Variants in SOX6 observed in about 807,000 individuals in gnomAD.
SOX6 encodes transcription factor SOX-6.
SOX6 carries 11 observed loss-of-function variants against 97.8 expected under a neutral mutation model. That is an observed-to-expected ratio of 0.11 (90% CI 0.07 to 0.19). The LOEUF is 0.19. Ranked by LOEUF, SOX6 falls within the 10% of genes least tolerant of loss-of-function variation. The pLI, the probability that SOX6 is intolerant of heterozygous loss-of-function variation, is 1.00. For synonymous variants in SOX6, 360 were observed against 371.4 expected (o/e 0.97, Z 0.35); for missense variants, 810 against 1,039.5 (o/e 0.78, Z 3.04).
intron 15 of SOX6, among the ~76,000 whole-genome samples, chr11:15,979,992 T>C (rs1198428411): frequency 2.6e-5 from 4 of 152,048 alleles, no homozygotes; most frequent in Non-Finnish European, 5.9e-5. Flanking sequence ...CTCAGACTGC[T>C]TGTAACATAG....
At position 16,522,618 on chromosome 11, in the gene SOX6, T is replaced by C. The variant is rs573338427; in HGVS notation, n.610-46230A>G. On this transcript the variant is annotated intron_variant and non_coding_transcript_variant, in intron 4 of 5. Transcript: ENST00000524520. ...TAACATCATAATGACACGATCAAAT[T>C]CACACATAACAATAATAACTTTAAA... 4.6e-5 allele frequency among the ~76,000 whole-genome samples: 7 copies of C among 151,536 alleles called. 1 individual carries two copies. In the South Asian group the frequency reaches 1.5e-3, roughly 32 times the overall value.
At chr11:16,524,900 A>G (rs1160429635) in intron 4 of SOX6, among the ~76,000 whole-genome samples, 1 of 152,198 alleles carries the variant, frequency 6.6e-6, no homozygotes, top group African/African-American at 2.4e-5. Flanking sequence ...AAGAGAATAA[A>G]ATATCTAGGA....
intron 1 of SOX6, among the ~76,000 whole-genome samples, chr11:16,467,331 T>A (rs928289825): frequency 6.6e-6 from 1 of 152,204 alleles, no homozygotes; most frequent in Non-Finnish European, 1.5e-5. Context: ...TAAAGACACA[T>A]GCATGCATAT....
intron 4 of SOX6, among the ~76,000 whole-genome samples, chr11:16,223,730 T>C (rs1318346964): frequency 6.6e-6 from 1 of 152,146 alleles, no homozygotes; most frequent in African/African-American, 2.4e-5. Context: ...CGATTACAGA[T>C]GTCCTGCTAG....
chr11:16,631,191 A>T lies in SOX6; in HGVS notation n.430-18931T>A, dbSNP rs180796011. On this transcript the variant is annotated intron_variant and non_coding_transcript_variant, in intron 3 of 5. Coordinates refer to the SOX6 transcript ENST00000524520. ...GCTTTATAAGGTCTTTAGGCTATGT[A>T]CCTAAGTGTGTTTTGGTGGTAGATG... Among the ~76,000 whole-genome samples the T allele has an allele frequency of 1.1e-4, 16 of 151,312 alleles. No individual in the cohort carries two copies. In the East Asian group the frequency reaches 2.1e-3, roughly 20 times the overall value.
intron 4 of SOX6, among the ~76,000 whole-genome samples, chr11:16,203,589 A>C (rs1851997145): frequency 6.6e-6 from 1 of 152,186 alleles, no homozygotes; most frequent in Non-Finnish European, 1.5e-5. Context: ...AGCTAAATAT[A>C]AACATCTGAA....
rs898207488 is a variant in SOX6, at chr11:16,349,113, A to G, written c.-5+6981T>C. Among the ~76,000 whole-genome samples, 16 of 152,168 alleles carry G rather than the reference A, an allele frequency of 1.1e-4. No individual in the cohort carries two copies. The South Asian group carries it at 1.5e-3, about 14-fold the overall frequency. On this transcript the variant is annotated intron_variant, in intron 1 of 15. Coordinates refer to ENST00000683767, the MANE Select transcript of SOX6 (RefSeq NM_001367873.1). ...CAAAGATTCCTAAGATACAAATTAA[A>G]ATGAATATAATTAATATAGATAATG...
chr11:16,372,668 G>A (rs940686437), intron 1 of SOX6, among the ~76,000 whole-genome samples: 2 of 152,052 alleles, frequency 1.3e-5, no homozygotes, highest in African/African-American at 2.4e-5. Flanking sequence ...TTTTTCACAG[G>A]AGAGGAATTG....
intron 2 of SOX6, among the ~76,000 whole-genome samples, chr11:16,717,471 T>C (rs1476539279): frequency 6.6e-6 from 1 of 152,190 alleles, no homozygotes; most frequent in African/African-American, 2.4e-5. Flanking sequence ...GTTATTCATT[T>C]TTCTATTTCT....
At chr11:16,100,209 C>T (rs954513595) in intron 7 of SOX6, among the ~76,000 whole-genome samples, 1 of 151,686 alleles carries the variant, frequency 6.6e-6, no homozygotes, top group African/African-American at 2.4e-5. Context: ...AGGAATCAGT[C>T]AACATGTTGT....
At chr11:15,997,720 A>T (rs1042384157) in intron 13 of SOX6, among the ~76,000 whole-genome samples, 7 of 152,256 alleles carry the variant, frequency 4.6e-5, no homozygotes, top group Non-Finnish European at 7.3e-5. Context: ...TACAGGTAAC[A>T]TCATACTTAA....
chr11:16,415,530 T>C (rs562828311), intron 1 of SOX6, among the ~76,000 whole-genome samples: 135 of 152,246 alleles, frequency 8.9e-4, no homozygotes, highest in African/African-American at 3.2e-3. Flanking sequence ...ATTTACTGAG[T>C]ATTTTCAAGT....
At chr11:16,157,530 G>T (rs1850634778) in intron 6 of SOX6, among the ~76,000 whole-genome samples, 3 of 151,786 alleles carry the variant, frequency 2.0e-5, no homozygotes, top group Admixed American at 2.0e-4. Flanking sequence ...TTAATCATTT[G>T]GTTAAATGAT....
At chr11:16,033,569 T>A (rs1031810468) in intron 12 of SOX6, among the ~76,000 whole-genome samples, 1 of 152,076 alleles carries the variant, frequency 6.6e-6, no homozygotes, top group African/African-American at 2.4e-5. Flanking sequence ...TGAAGGAGTA[T>A]TATTAAGATC....
chr11:16,103,099 G>A (rs549903644), intron 7 of SOX6, among the ~76,000 whole-genome samples: 131 of 151,998 alleles, frequency 8.6e-4, no homozygotes, highest in African/African-American at 3.0e-3. Context: ...AACCCACAGA[G>A]TGGGAGAGAA....
intron 12 of SOX6, among the ~76,000 whole-genome samples, chr11:16,032,860 C>T (rs534430429): frequency 1.3e-5 from 2 of 152,314 alleles, no homozygotes; most frequent in African/African-American, 2.4e-5. Context: ...CTACCTACTC[C>T]AGCCTGCCTG....
intron 4 of SOX6, among the ~76,000 whole-genome samples, chr11:16,522,143 C>T (rs1489397880): frequency 1.3e-5 from 2 of 152,114 alleles, no homozygotes; most frequent in African/African-American, 2.4e-5. Context: ...CACAAAGATA[C>T]TCCTCAAGAA....
chr11:16,233,213 GTAAC>G (rs142770254), intron 4 of SOX6, among the ~76,000 whole-genome samples: 2,157 of 152,230 alleles, frequency 0.014, 22 homozygotes, highest in Non-Finnish European at 0.024. Context: ...GAAAACTAAT[GTAAC>G]TAAGTACCCA....
chr11:16,345,470 G>A (rs1167144874), intron 1 of SOX6, among the ~76,000 whole-genome samples: 1 of 151,960 alleles, frequency 6.6e-6, no homozygotes, highest in Non-Finnish European at 1.5e-5. Flanking sequence ...TGGAGATAAA[G>A]CCTCCAGTTA....
Sources: gnomAD v4.1 joint callset for allele counts (sites outside exome capture counted in the v4.1 genomes callset) on GRCh38, gnomAD v4.1.1 for gene constraint, MANE v1.5 for transcripts, NCBI Gene and HGNC (gene_info 2026-07-23, HGNC 2026-07-21) for gene names.